The following TBX19 variants were observed in gnomAD, a reference collection of about 807,000 sequenced individuals.
TBX19 encodes T-box transcription factor TBX19.
Under a neutral mutation model 40.9 loss-of-function variants are expected in TBX19, and 33 were observed. The observed-to-expected ratio is 0.81, with a 90% confidence interval of 0.61 to 1.08. The LOEUF (loss-of-function observed/expected upper bound fraction) is 1.08. TBX19 is among the 50% of genes least tolerant of loss of function. TBX19 has a pLI of 0.00. For missense variants in TBX19, 494 were observed against 574.0 expected (o/e 0.86, Z 1.42); for synonymous variants, 220 against 225.0 (o/e 0.98, Z 0.20).
At chr1:168,310,891 G>A (rs1649505562) in intron 7 of TBX19, among the ~76,000 whole-genome samples, 1 of 146,270 alleles carries the variant, frequency 6.8e-6, no homozygotes, top group Non-Finnish European at 1.5e-5. Context: ...TAAATATTAT[G>A]ATGTAAATAT....
intron 5 of TBX19, among the ~76,000 whole-genome samples, chr1:168,304,493 G>T (rs1046058538): frequency 1.3e-5 from 2 of 152,190 alleles, no homozygotes; most frequent in Non-Finnish European, 2.9e-5. Flanking sequence ...TTATCTGCAG[G>T]AGTAATTGGG....
At chr1:168,287,377 A>G (rs1053259181) in intron 1 of TBX19, among the ~76,000 whole-genome samples, 9 of 152,210 alleles carry the variant, frequency 5.9e-5, no homozygotes, top group Non-Finnish European at 7.3e-5. Flanking sequence ...CTTCCTGTTC[A>G]GATATGGCTA....
chr1:168,301,355 C>G (rs139504444), intron 5 of TBX19, among the ~76,000 whole-genome samples: 1 of 152,084 alleles, frequency 6.6e-6, no homozygotes, highest in African/African-American at 2.4e-5. Flanking sequence ...CTCCGCCTCC[C>G]GGGTTCAAGT....
chr1:168,289,045 G>C (rs1052510557), intron 1 of TBX19, among the ~76,000 whole-genome samples: 4 of 152,142 alleles, frequency 2.6e-5, no homozygotes, highest in Non-Finnish European at 5.9e-5. Flanking sequence ...CCACTCTTGT[G>C]TTTTCTTTAA....
intron 4 of TBX19, 86 bp from the exon 5 acceptor site, chr1:168,300,336 C>G (rs981416062): frequency 2.9e-5 from 36 of 1,222,892 alleles, no homozygotes; most frequent in Non-Finnish European, 3.8e-5. Flanking sequence ...AAATTGATTG[C>G]TCTTCAAGGA....
chr1:168,281,135 TG>T lies in TBX19; in HGVS notation c.46del (p.Val16PhefsTer46), dbSNP rs1269622685. 3 of 1,614,164 alleles carry T rather than the reference TG, an allele frequency of 1.9e-6. No homozygotes were observed. The Admixed American group carries it at 5.0e-5, about 27-fold the overall frequency. On this transcript the variant is annotated frameshift_variant, in exon 1 of 8. Transcript: ENST00000367821. LOFTEE classifies it high-confidence loss of function. ...LGTRKPSDGT[V>X]SHLLNVVESE... The stretch of plus-strand genomic sequence containing the variant: ...GCACTCGGAAGCCCAGCGATGGCAC[TG>T]TTTCTCATCTGCTCAATGTGGTGGA...
In TBX19 at chr1:168,297,759, C is replaced by T. The variant is rs1649149477; in HGVS notation, c.639C>T (p.Ala213=). ...TCAAAATCAAGTACAATCCTTTTGC[C>T]AAAGCCTTCTTGGATGCCAAGGAAA... ...TALKIKYNPF[A]KAFLDAKERN... Residue 213 remains alanine, a synonymous_variant, in exon 4 of 8, where the codon GCC becomes GCT. Transcript: ENST00000367821. 3.1e-6 allele frequency: 5 copies of T among 1,614,000 alleles called. No homozygotes were observed. The highest frequency in any genetic ancestry group is 4.2e-6 in the Non-Finnish European group (5 of 1,180,016).
Position 168,291,201 on chromosome 1 carries a change from A to T in TBX19, c.245A>T (p.Asp82Val). The T allele has an allele frequency of 6.2e-7, 1 of 1,613,940 alleles. No homozygotes were observed. The highest frequency in any genetic ancestry group is 8.5e-7 in the Non-Finnish European group (1 of 1,179,994). The change falls in exon 2 of 8, where the codon GAC becomes GTC. Residue 82 changes from aspartate to valine, a missense_variant. By Grantham distance (152) the Asp-to-Val change is radical. This residue lies in a region of TBX19 where 201 missense variants were observed against 235.2 expected (regional missense o/e 0.85). Coordinates refer to ENST00000367821, the MANE Select transcript of TBX19 (RefSeq NM_005149.3). ...PVLKISVTGL[D>V]PNAMYSLLLD... ...CTAAAGATTAGTGTCACAGGGTTGGACCCCAATGCCATGTACTCCCTCCTG... is the reference window on the plus strand; with the variant it reads ...CTAAAGATTAGTGTCACAGGGTTGGTCCCCAATGCCATGTACTCCCTCCTG...
chr1:168,295,910 T>C (rs1256147726), intron 3 of TBX19, among the ~76,000 whole-genome samples: 1 of 152,238 alleles, frequency 6.6e-6, no homozygotes, highest in Non-Finnish European at 1.5e-5. Flanking sequence ...CAGAAGCTTT[T>C]CCTGGCTGCA....
intron 5 of TBX19, among the ~76,000 whole-genome samples, chr1:168,304,370 G>A (rs1649350283): frequency 6.6e-6 from 1 of 152,054 alleles, no homozygotes; most frequent in South Asian, 2.1e-4. Flanking sequence ...AGTCACTTCT[G>A]GGTGGGGCCA....
Position 168,312,765 on chromosome 1 carries a change from C to T in TBX19, c.1110C>T (p.Gly370=), listed in dbSNP as rs1649555678. 6.2e-7 allele frequency: 1 copy of T among 1,614,218 alleles called. No homozygotes were observed. Among genetic ancestry groups the T allele is most frequent in the Non-Finnish European group, 8.5e-7 (1 of 1,180,050 alleles). Residue 370 remains glycine (G), a synonymous_variant, in exon 8 of 8, where the codon GGC becomes GGT. Transcript: ENST00000367821. ...GTGCCGGAGGCCCCAGTGGGCCAGG[C>T]CCGGAGGTGCACGCCAGCACCCCAG... ...SNGAGGPSGP[G]PEVHASTPGA...
At position 168,284,081 on chromosome 1, in the gene TBX19, G is replaced by A. The variant is rs74123908; in HGVS notation, c.203+2788G>A. Among the ~76,000 whole-genome samples the A allele has an allele frequency of 6.3e-3, 955 of 152,112 alleles. 12 individuals carry two copies. Among genetic ancestry groups the A allele is most frequent in the African/African-American group, 0.022 (904 of 41,498 alleles). On this transcript the variant is annotated intron_variant, in intron 1 of 7. Coordinates refer to ENST00000367821, the MANE Select transcript of TBX19 (RefSeq NM_005149.3). ...TCCTGATGTTGGCCTCTCTTCTTTCGTTCCTTCCTTTCTCTCTCTCTCTTC... is the reference window on the plus strand; with the variant it reads ...TCCTGATGTTGGCCTCTCTTCTTTCATTCCTTCCTTTCTCTCTCTCTCTTC...
chr1:168,289,134 G>C (rs561021239), intron 1 of TBX19, among the ~76,000 whole-genome samples: 1 of 152,106 alleles, frequency 6.6e-6, no homozygotes. Flanking sequence ...CATATACCTC[G>C]TATAAACGGG....
chr1:168,312,652 C>A, intron 7 of TBX19, 56 bp from the exon 8 acceptor site: 1 of 1,592,988 alleles, frequency 6.3e-7, no homozygotes, highest in South Asian at 1.1e-5. Flanking sequence ...TCAGGTGGCA[C>A]TCCTTCCTTG....
intron 5 of TBX19, 140 bp from the exon 6 acceptor site, chr1:168,304,868 C>A (rs894668010): frequency 3.4e-6 from 3 of 875,062 alleles, no homozygotes; most frequent in Non-Finnish European, 3.7e-6. Context: ...GATGGTACCA[C>A]CACACAGGCT....
chr1:168,294,020 C>T (rs559766437), intron 3 of TBX19, among the ~76,000 whole-genome samples: 6 of 151,984 alleles, frequency 3.9e-5, no homozygotes, highest in Non-Finnish European at 7.4e-5. Context: ...GGGTTTCTTC[C>T]GCTTTTGGAA....
At chr1:168,295,606 G>C (rs551542124) in intron 3 of TBX19, among the ~76,000 whole-genome samples, 1 of 152,378 alleles carries the variant, frequency 6.6e-6, no homozygotes, top group South Asian at 2.1e-4. Flanking sequence ...AAATGAACTA[G>C]CTAATAATGT....
rs1198552668 is a variant in TBX19 at position 168,291,373 on chromosome 1, C to T, written c.417C>T (p.Pro139=). Reference sequence around the variant, plus strand: ...TTGGGGCCCACTGGATGAAAGCTCCCATCTCCTTCAGCAAAGTGAAGCTGA... The same window carrying T: ...TTGGGGCCCACTGGATGAAAGCTCCTATCTCCTTCAGCAAAGTGAAGCTGA... ...PNFGAHWMKA[P]ISFSKVKLTN... is the part of the protein sequence containing the mutation. The change falls in exon 2 of 8, where the codon CCC becomes CCT. Residue 139 remains proline, a synonymous_variant. Transcript: ENST00000367821. 5.6e-6 allele frequency: 9 copies of T among 1,614,106 alleles called. No individual in the cohort carries two copies. The East Asian group carries it at 1.6e-4, about 28-fold the overall frequency.
At chr1:168,296,278 G>T (rs912058636) in intron 3 of TBX19, among the ~76,000 whole-genome samples, 1 of 152,134 alleles carries the variant, frequency 6.6e-6, no homozygotes, top group Non-Finnish European at 1.5e-5. Context: ...CTTCTCACAA[G>T]TTCTGAGCCA....
Sources: gnomAD v4.1 joint callset for allele counts (sites outside exome capture counted in the v4.1 genomes callset) on GRCh38, gnomAD v4.1.1 for gene constraint, gnomAD v4.1.1 regional missense constraint, MANE v1.5 for transcripts, NCBI Gene and HGNC (gene_info 2026-07-23, HGNC 2026-07-21) for gene names.